PCDHA3: variants seen among roughly 807,000 people sequenced by gnomAD.
The protein encoded by PCDHA3 is protocadherin alpha 3.
A neutral mutation model predicts 62.2 loss-of-function variants in PCDHA3; 41 were observed. That is an observed-to-expected ratio of 0.66 (90% confidence interval 0.51 to 0.86). PCDHA3 has a LOEUF of 0.86. Ranked by LOEUF, PCDHA3 falls within the 40% of genes least tolerant of loss-of-function variation. PCDHA3 has a pLI of 0.00. For synonymous variants in PCDHA3, 640 were observed against 555.4 expected (o/e 1.15, Z -2.14); for missense variants, 1,304 against 1,241.2 (o/e 1.05, Z -0.76).
intron 1 of PCDHA3, chr5:140,852,917 T>A: frequency 1.3e-6 from 1 of 767,560 alleles, no homozygotes; most frequent in Non-Finnish European, 1.6e-6. Context: ...CTCGCTCTGT[T>A]GCCCAGGCTG....
intron 1 of PCDHA3, chr5:140,828,240 A>T (rs782505632): frequency 1.9e-6 from 3 of 1,613,830 alleles, no homozygotes; most frequent in South Asian, 1.1e-5. Flanking sequence ...CGGATCGCGC[A>T]GGACCTGGGG....
intron 1 of PCDHA3, chr5:140,828,617 G>C (rs2150157424): frequency 6.2e-7 from 1 of 1,614,158 alleles, no homozygotes. Context: ...CAGTTCTAGC[G>C]AATACTTCGG....
intron 1 of PCDHA3, chr5:140,803,928 T>C: frequency 4.3e-6 from 2 of 464,504 alleles, no homozygotes; most frequent in Non-Finnish European, 7.6e-6. Context: ...TGTTTTATAC[T>C]TATCCCTATA....
intron 1 of PCDHA3, among the ~76,000 whole-genome samples, chr5:140,844,879 A>T (rs1779591756): frequency 6.7e-6 from 1 of 149,298 alleles, no homozygotes; most frequent in Non-Finnish European, 1.5e-5. Flanking sequence ...TACCCATTAG[A>T]CTTCGTGCAT....
At chr5:140,984,433 T>C (rs2097103477) in intron 3 of PCDHA3, among the ~76,000 whole-genome samples, 1 of 152,182 alleles carries the variant, frequency 6.6e-6, no homozygotes, top group East Asian at 1.9e-4. Flanking sequence ...GAAGGGGATC[T>C]CCCTTGTTCC....
At chr5:140,830,066 C>T in intron 1 of PCDHA3, 1 of 1,613,706 alleles carries the variant, frequency 6.2e-7, no homozygotes, top group African/African-American at 1.3e-5. Flanking sequence ...TGAGCCGGCG[C>T]TGACAGCGAC....
chr5:140,928,485 C>T, intron 1 of PCDHA3: 2 of 1,614,136 alleles, frequency 1.2e-6, no homozygotes, highest in Non-Finnish European at 1.7e-6. Context: ...GGGATGGTGG[C>T]ATTCCTCCCA....
chr5:140,913,138 T>C (rs1367874502), intron 1 of PCDHA3, among the ~76,000 whole-genome samples: 1 of 152,204 alleles, frequency 6.6e-6, no homozygotes, highest in East Asian at 1.9e-4. Flanking sequence ...CTCTACTTTT[T>C]GGAATAGTTT....
intron 1 of PCDHA3, among the ~76,000 whole-genome samples, chr5:140,947,807 G>T (rs542859945): frequency 3.6e-4 from 55 of 151,694 alleles, no homozygotes; most frequent in Non-Finnish European, 7.1e-4. Context: ...AATTTGCAGA[G>T]ACTATTTCTT....
chr5:140,836,101 C>T, intron 1 of PCDHA3: 17 of 1,613,712 alleles, frequency 1.1e-5, no homozygotes, highest in Non-Finnish European at 1.4e-5. Context: ...GTGGGTGGCA[C>T]TGGTGGCGCA....
Position 140,856,078 on chromosome 5 carries a change from C to T in PCDHA3, c.2394+52487C>T, listed in dbSNP as rs145849392. On this transcript the variant is annotated intron_variant, in intron 1 of 3. Transcript: ENST00000522353. The stretch of plus-strand genomic sequence containing the variant: ...TTTCCAGATGTAGCTGCCTGGGGGT[C>T]CAGTGTCTGCTGCTCTCGCTTCTTC... 1.4e-3 allele frequency: 2,214 copies of T among 1,594,016 alleles called. 201 individuals are homozygous for T. The highest frequency in any genetic ancestry group is 4.0e-3 in the Admixed American group (234 of 58,882).
chr5:140,823,220 A>T, intron 1 of PCDHA3: 1 of 1,613,736 alleles, frequency 6.2e-7, no homozygotes. Context: ...CGGGACGCGG[A>T]CGCGCAGGAG....
Position 140,850,173 on chromosome 5 carries a change from G to T in PCDHA3, c.2394+46582G>T, listed in dbSNP as rs2150470730. The T allele has an allele frequency of 4.0e-5, 64 of 1,594,368 alleles. 5 individuals carry two copies. The highest frequency in any genetic ancestry group is 5.0e-5 in the Non-Finnish European group (58 of 1,167,774). On this transcript the variant is annotated intron_variant, in intron 1 of 3. Coordinates refer to ENST00000522353, the MANE Select transcript of PCDHA3 (RefSeq NM_018906.3). ...GCAGGTGTTCGTGCTGGACGAGAAC[G>T]ACAATGCGCCGGCGCTGCTGACACC...
chr5:140,887,496 A>G (rs1351125742), intron 1 of PCDHA3, among the ~76,000 whole-genome samples: 1 of 152,072 alleles, frequency 6.6e-6, no homozygotes, highest in Non-Finnish European at 1.5e-5. Context: ...CATAGTTTCT[A>G]ATAAGATGTT....
chr5:140,874,111 G>T (rs977519429), intron 1 of PCDHA3, among the ~76,000 whole-genome samples: 2 of 152,056 alleles, frequency 1.3e-5, no homozygotes, highest in Non-Finnish European at 2.9e-5. Flanking sequence ...ATTACTTAAC[G>T]TTTTATAGTT....
intron 3 of PCDHA3, among the ~76,000 whole-genome samples, chr5:140,992,716 G>A (rs1554253146): frequency 6.6e-6 from 1 of 152,160 alleles, no homozygotes; most frequent in African/African-American, 2.4e-5. Flanking sequence ...GCCAGTATTC[G>A]TAAATCCCAC....
intron 1 of PCDHA3, among the ~76,000 whole-genome samples, chr5:140,845,925 A>T (rs1435379757): frequency 6.7e-6 from 1 of 149,798 alleles, no homozygotes; most frequent in African/African-American, 2.4e-5. Context: ...ATTTTTGTGT[A>T]AAACTATCTT....
chr5:140,921,102 T>G (rs1300756897), intron 1 of PCDHA3, among the ~76,000 whole-genome samples: 1 of 152,028 alleles, frequency 6.6e-6, no homozygotes, highest in Non-Finnish European at 1.5e-5. Context: ...TGCCTCAGTC[T>G]CCTAAGTAGC....
At chr5:140,838,077 A>ATAGT (rs1203070308) in intron 1 of PCDHA3, among the ~76,000 whole-genome samples, 13 of 80,664 alleles carry the variant, frequency 1.6e-4, no homozygotes, top group Non-Finnish European at 3.2e-4. Flanking sequence ...ATATATATAT[A>ATAGT]GTGTGTGTGT....
Sources: gnomAD v4.1 joint callset for allele counts (sites outside exome capture counted in the v4.1 genomes callset) on GRCh38, gnomAD v4.1.1 for gene constraint, MANE v1.5 for transcripts, NCBI Gene and HGNC (gene_info 2026-07-23, HGNC 2026-07-21) for gene names.